PCDH15: variants seen among roughly 807,000 people sequenced by gnomAD.
PCDH15 encodes protocadherin-15.
PCDH15 carries 129 observed loss-of-function variants against 178.5 expected under a neutral mutation model. That is an observed-to-expected ratio of 0.72 (90% confidence interval 0.63 to 0.84). The LOEUF is 0.84. Ranked by LOEUF, PCDH15 falls within the 40% of genes least tolerant of loss-of-function variation. PCDH15 has a pLI of 0.00. For synonymous variants in PCDH15, 800 were observed against 732.0 expected (o/e 1.09, Z -1.50); for missense variants, 2,230 against 2,099.9 (o/e 1.06, Z -1.21).
chr10:54,188,948 T>G (rs542974059), intron 11 of PCDH15, among the ~76,000 whole-genome samples: 1 of 151,980 alleles, frequency 6.6e-6, no homozygotes, highest in Non-Finnish European at 1.5e-5. Flanking sequence ...CTCAGCCAGT[T>G]TTAATTACTT....
chr10:53,808,713 T>C, intron 37 of PCDH15: 1 of 1,613,058 alleles, frequency 6.2e-7, no homozygotes, highest in African/African-American at 1.3e-5. Flanking sequence ...TGTTGTAACC[T>C]TCAGAGTTTG....
chr10:53,955,538 A>G (rs1404780735), intron 23 of PCDH15, among the ~76,000 whole-genome samples: 1 of 152,216 alleles, frequency 6.6e-6, no homozygotes, highest in Admixed American at 6.5e-5. Context: ...TTCCTATGGA[A>G]TTCAAACACA....
chr10:53,815,894 C>G (rs1347125175), intron 35 of PCDH15, among the ~76,000 whole-genome samples: 1 of 152,032 alleles, frequency 6.6e-6, no homozygotes, highest in Non-Finnish European at 1.5e-5. Context: ...TAATCTAAAT[C>G]TGATGTCAGG....
intron 2 of PCDH15, among the ~76,000 whole-genome samples, chr10:54,990,672 A>T (rs559020599): frequency 6.6e-6 from 1 of 152,270 alleles, no homozygotes; most frequent in Non-Finnish European, 1.5e-5. Flanking sequence ...AAATTCTGAG[A>T]TGACCAACAA....
intron 4 of PCDH15, among the ~76,000 whole-genome samples, chr10:54,374,271 G>C (rs1025288129): frequency 7.2e-5 from 11 of 152,064 alleles, no homozygotes; most frequent in African/African-American, 2.7e-4. Context: ...CACTGGCCTG[G>C]GCAGGGGAGT....
intron 2 of PCDH15, among the ~76,000 whole-genome samples, chr10:55,396,837 C>A (rs2132020183): frequency 6.6e-6 from 1 of 152,224 alleles, no homozygotes; most frequent in Middle Eastern, 3.4e-3. Context: ...TGAACAGTGA[C>A]ACATGGAATT....
intron 3 of PCDH15, among the ~76,000 whole-genome samples, chr10:54,513,735 C>G (rs2081939152): frequency 6.6e-6 from 1 of 152,150 alleles, no homozygotes; most frequent in Non-Finnish European, 1.5e-5. Context: ...AAGTCTGATG[C>G]AGCTGTTATT....
chr10:54,556,890 G>T lies in PCDH15; in HGVS notation c.92-29013C>A, dbSNP rs187888202. On this transcript the variant is annotated intron_variant, in intron 2 of 37. Coordinates refer to ENST00000644397, the MANE Select transcript of PCDH15 (RefSeq NM_001384140.1). The stretch of plus-strand genomic sequence containing the variant: ...CCCTGGGAGTGGCAGGGTTGGGGTT[G>T]GGGGTGGGAGGAGTAGGAGGCTGTG... Among the ~76,000 whole-genome samples the T allele has an allele frequency of 5.3e-3, 811 of 152,004 alleles. 10 individuals are homozygous for T. Among genetic ancestry groups the T allele is most frequent in the African/African-American group, 0.019 (779 of 41,464 alleles).
In PCDH15 at chr10:55,278,522, G is replaced by T. The variant is rs952232171; in HGVS notation, c.-156+41077C>A. On this transcript the variant is annotated intron_variant, in intron 1 of 5. Coordinates refer to the PCDH15 transcript ENST00000458638. ...TTACAGGCATGAGCCACCACATCTG[G>T]CCATATCTGATTTTGATTTACAAAA... Among the ~76,000 whole-genome samples the T allele has an allele frequency of 3.3e-5, 5 of 151,966 alleles. No individual in the cohort carries two copies. In the East Asian group the frequency reaches 9.6e-4, roughly 29 times the overall value.
intron 21 of PCDH15, among the ~76,000 whole-genome samples, chr10:53,967,303 C>A (rs1468372755): frequency 2.0e-5 from 3 of 152,294 alleles, no homozygotes; most frequent in East Asian, 3.9e-4. Context: ...GTCTCCCCAT[C>A]CCTCTGGAAC....
intron 1 of PCDH15, among the ~76,000 whole-genome samples, chr10:55,248,576 T>C (rs989844782): frequency 3.3e-5 from 5 of 152,052 alleles, no homozygotes; most frequent in Admixed American, 3.3e-4. Context: ...TGTAAAAATG[T>C]CCCCTTTTTT....
intron 7 of PCDH15, among the ~76,000 whole-genome samples, chr10:54,325,164 AAT>A (rs2061859164): frequency 6.6e-6 from 1 of 152,084 alleles, no homozygotes; most frequent in Admixed American, 6.6e-5. Flanking sequence ...GTCAAAACTC[AAT>A]TACCTTAATT....
chr10:55,031,654 A>C (rs1417272961), intron 2 of PCDH15, among the ~76,000 whole-genome samples: 1 of 152,174 alleles, frequency 6.6e-6, no homozygotes, highest in Non-Finnish European at 1.5e-5. Flanking sequence ...GAGGTTTTTT[A>C]GAGGTGATTG....
At chr10:55,395,435 G>A (rs1046436150) in intron 2 of PCDH15, among the ~76,000 whole-genome samples, 5 of 151,984 alleles carry the variant, frequency 3.3e-5, no homozygotes, top group Admixed American at 3.3e-4. Context: ...ACAGACCATT[G>A]CTTCCTAGTT....
At chr10:55,228,651 A>G (rs1841125128) in intron 1 of PCDH15, among the ~76,000 whole-genome samples, 1 of 151,982 alleles carries the variant, frequency 6.6e-6, no homozygotes, top group Non-Finnish European at 1.5e-5. Flanking sequence ...CTGGGAAACT[A>G]AGGGAGCTTG....
chr10:55,419,986 A>T (rs1838580008), intron 2 of PCDH15, among the ~76,000 whole-genome samples: 1 of 151,714 alleles, frequency 6.6e-6, no homozygotes, highest in African/African-American at 2.4e-5. Context: ...ATTTGCATTT[A>T]ATAAGTTCAG....
chr10:54,184,346 C>T (rs2048288674), intron 12 of PCDH15, among the ~76,000 whole-genome samples: 1 of 151,942 alleles, frequency 6.6e-6, no homozygotes, highest in Non-Finnish European at 1.5e-5. Flanking sequence ...CATCTTTCTC[C>T]TGTGACTGAT....
chr10:54,455,626 AG>A (rs1367299076), intron 3 of PCDH15, among the ~76,000 whole-genome samples: 6 of 152,176 alleles, frequency 3.9e-5, no homozygotes, highest in Non-Finnish European at 8.8e-5. Context: ...AGAGAATAAA[AG>A]GTTTGAAAAT....
chr10:54,658,520 AT>A (rs919574451), intron 2 of PCDH15, among the ~76,000 whole-genome samples: 2 of 152,150 alleles, frequency 1.3e-5, no homozygotes, highest in African/African-American at 4.8e-5. Context: ...GGCATCCAAA[AT>A]TTTTATAACC....
Sources: gnomAD v4.1 joint callset for allele counts (sites outside exome capture counted in the v4.1 genomes callset) on GRCh38, gnomAD v4.1.1 for gene constraint, MANE v1.5 for transcripts, NCBI Gene and HGNC (gene_info 2026-07-23, HGNC 2026-07-21) for gene names.